The following P2RY8 variants were observed in gnomAD, a reference collection of about 807,000 sequenced individuals.
P2RY8 encodes S-geranylgeranyl-glutathione receptor P2RY8.
A neutral mutation model predicts 10.0 loss-of-function variants in P2RY8; 6 were observed. The observed-to-expected ratio is 0.60, with a 90% CI of 0.33 to 1.19. The LOEUF is 1.19. P2RY8 is among the 50% of genes most tolerant of loss of function. P2RY8 has a pLI of 0.04. For missense variants in P2RY8, 456 were observed against 542.0 expected, an observed-to-expected ratio of 0.84 and a Z score of 1.58; for synonymous variants, 276 against 252.5, an observed-to-expected ratio of 1.09 and a Z score of -0.88.
rs183960044 is a variant in P2RY8, at chrX:1,474,308, T to A, written c.-24-7726A>T. ...GTAGATGGATGGGTGGATGGATAGA[T>A]GGGTGGCTGGATAGATGAATAGGTG... On this transcript the variant is annotated intron_variant, in intron 1 of 1. Transcript: ENST00000381297. 1.0e-4 allele frequency among the ~76,000 whole-genome samples: 15 copies of A among 145,996 alleles called. No individual in the cohort carries two copies. In the East Asian group the frequency reaches 2.3e-3, roughly 22 times the overall value.
chrX:1,522,099 T>C (rs1381623214), intron 1 of P2RY8, among the ~76,000 whole-genome samples: 1 of 151,504 alleles, frequency 6.6e-6, no homozygotes, highest in Non-Finnish European at 1.5e-5. Context: ...ATTACAGGCA[T>C]GCACCACCAT....
At chrX:1,479,276 C>A (rs2091910272) in intron 1 of P2RY8, among the ~76,000 whole-genome samples, 1 of 152,244 alleles carries the variant, frequency 6.6e-6, no homozygotes, top group African/African-American at 2.4e-5. Context: ...ATACACCCGT[C>A]ACCACTTTTG....
intron 1 of P2RY8, among the ~76,000 whole-genome samples, chrX:1,529,835 G>A (rs2092460864): frequency 6.6e-6 from 1 of 151,856 alleles, no homozygotes; most frequent in African/African-American, 2.4e-5. Flanking sequence ...CCATTTGACA[G>A]TGGTTTCAAC....
At chrX:1,493,952 T>C (rs2092092613) in intron 1 of P2RY8, 3 of 152,126 alleles carry the variant, frequency 2.0e-5, no homozygotes, top group African/African-American at 7.2e-5. Context: ...GGGTTAAAAA[T>C]CACACACCCC....
chrX:1,478,730 G>C (rs1449168266), intron 1 of P2RY8, among the ~76,000 whole-genome samples: 2 of 151,990 alleles, frequency 1.3e-5, no homozygotes, highest in Non-Finnish European at 2.9e-5. Flanking sequence ...CACCCACCTC[G>C]GCCTCCCAAA....
intron 1 of P2RY8, among the ~76,000 whole-genome samples, chrX:1,490,902 C>CA (rs2092039984): frequency 2.8e-5 from 4 of 142,606 alleles, no homozygotes; most frequent in African/African-American, 1.1e-4. Flanking sequence ...CCCAGATATT[C>CA]CCTGCAAATG....
intron 1 of P2RY8, among the ~76,000 whole-genome samples, chrX:1,530,232 G>A (rs1603458713): frequency 8.2e-6 from 1 of 122,062 alleles, no homozygotes; most frequent in Non-Finnish European, 2.0e-5. Context: ...ATGTATCTAT[G>A]TATGTATCTA....
chrX:1,499,858 TTGTTTTG>T, intron 1 of P2RY8, among the ~76,000 whole-genome samples: 1 of 151,910 alleles, frequency 6.6e-6, no homozygotes, highest in East Asian at 1.9e-4. Flanking sequence ...TTGTTTTGTT[TTGTTTTG>T]TTTTTCTTTT....
At chrX:1,516,062 T>G (rs1196094933) in intron 1 of P2RY8, among the ~76,000 whole-genome samples, 1 of 148,450 alleles carries the variant, frequency 6.7e-6, no homozygotes, top group African/African-American at 2.5e-5. Context: ...CCAGGCGCGG[T>G]GGCAGGCACC....
chrX:1,505,695 C>T (rs2092226075), intron 1 of P2RY8, among the ~76,000 whole-genome samples: 1 of 152,032 alleles, frequency 6.6e-6, no homozygotes, highest in African/African-American at 2.4e-5. Flanking sequence ...GAGGCTGAGG[C>T]AGGAGAATCG....
chrX:1,476,094 C>T (rs1356751194), intron 1 of P2RY8, among the ~76,000 whole-genome samples: 1 of 152,138 alleles, frequency 6.6e-6, no homozygotes, highest in South Asian at 2.1e-4. Context: ...AGGCATCAGA[C>T]CCCTTCCAGC....
intron 1 of P2RY8, among the ~76,000 whole-genome samples, chrX:1,517,808 T>C (rs118115749): frequency 0.014 from 2,170 of 152,236 alleles, 57 homozygotes; most frequent in African/African-American, 0.049. Flanking sequence ...CAATATTTTC[T>C]GGTTCTTAGT....
intron 1 of P2RY8, among the ~76,000 whole-genome samples, chrX:1,507,670 C>T (rs1393112905): frequency 6.6e-6 from 1 of 152,122 alleles, no homozygotes; most frequent in African/African-American, 2.4e-5. Flanking sequence ...TGGCGACGCG[C>T]GATTTCCGCC....
Position 1,463,446 on chromosome X carries a change from G to A in P2RY8, c.*2033C>T, listed in dbSNP as rs1460347069. 4.4e-6 allele frequency: 1 copy of A among 229,378 alleles called. No homozygotes were observed. Among genetic ancestry groups the A allele is most frequent in the Non-Finnish European group, 8.6e-6 (1 of 116,562 alleles). The allele number at this position is 229,378 out of a possible 1,614,324, so 14.2% of individuals were successfully genotyped here. A position where few individuals can be genotyped will look rare whatever the true frequency, so the allele number is the denominator to read the frequency against. On this transcript the variant is annotated 3_prime_UTR_variant, in exon 2 of 2. Transcript: ENST00000381297. ...CTGGGCTTGTGGCCGCATCACTCCA[G>A]TCTGCCTCTGTCTCCACGTGTCCTC...
intron 1 of P2RY8, among the ~76,000 whole-genome samples, chrX:1,509,010 C>CCATA (rs2092264036): frequency 7.4e-6 from 1 of 135,890 alleles, no homozygotes; most frequent in Admixed American, 7.2e-5. Context: ...GTTCATCCAT[C>CCATA]CATCCATCCA....
intron 1 of P2RY8, among the ~76,000 whole-genome samples, chrX:1,472,693 TGGGAGG>T (rs1481788508): frequency 3.3e-5 from 1 of 29,948 alleles, no homozygotes; most frequent in Non-Finnish European, 5.9e-5. Flanking sequence ...GGTGGATGGG[TGGGAGG>T]GTGGATGTGT....
intron 1 of P2RY8, among the ~76,000 whole-genome samples, chrX:1,532,363 A>G (rs1423188901): frequency 2.7e-5 from 4 of 150,030 alleles, no homozygotes; most frequent in Non-Finnish European, 6.0e-5. Context: ...GTATATATAC[A>G]CATATACGTA....
chrX:1,474,659 G>T (rs1246121937), intron 1 of P2RY8, among the ~76,000 whole-genome samples: 2 of 144,932 alleles, frequency 1.4e-5, no homozygotes, highest in African/African-American at 2.6e-5. Flanking sequence ...TGGACGTGTG[G>T]GTGGATGGAT....
At chrX:1,526,959 T>C (rs113010926) in intron 1 of P2RY8, among the ~76,000 whole-genome samples, 14,847 of 152,256 alleles carry the variant, frequency 0.098, 824 homozygotes, top group African/African-American at 0.12. Context: ...AACAGCTCGA[T>C]CTTGGCTCAT....
Sources: gnomAD v4.1 joint callset for allele counts (sites outside exome capture counted in the v4.1 genomes callset) on GRCh38, gnomAD v4.1.1 for gene constraint, MANE v1.5 for transcripts, NCBI Gene and HGNC (gene_info 2026-07-23, HGNC 2026-07-21) for gene names.